Variants in DRAM2 observed in about 807,000 individuals in gnomAD.
The protein encoded by DRAM2 is DNA damage regulated autophagy modulator 2.
Under a neutral mutation model 33.5 loss-of-function variants are expected in DRAM2, and 26 were observed. The ratio of observed to expected loss-of-function variants is 0.78; its 90% CI spans 0.57 to 1.08. The LOEUF (loss-of-function observed/expected upper bound fraction) is 1.08. Among genes scored for constraint, DRAM2 ranks in the 50% least tolerant of loss-of-function variants. DRAM2 has a pLI of 0.00. For missense variants in DRAM2, 311 were observed against 318.1 expected, an observed-to-expected ratio of 0.98 and a Z score of 0.17; for synonymous variants, 98 against 109.5, an observed-to-expected ratio of 0.89 and a Z score of 0.66.
chr1:111,129,548 T>C (rs1422864072), intron 4 of DRAM2, among the ~76,000 whole-genome samples: 1 of 152,232 alleles, frequency 6.6e-6, no homozygotes, highest in Non-Finnish European at 1.5e-5. Context: ...GATTTCCTCA[T>C]ATCCTTTTTG....
rs750197912 is a variant in DRAM2, at chr1:111,131,446, C to G, written c.109G>C (p.Asp37His). 1.2e-6 allele frequency: 2 copies of G among 1,613,946 alleles called. No homozygotes were observed. The highest frequency in any genetic ancestry group is 1.7e-6 in the Non-Finnish European group (2 of 1,179,914). ...YITAVTLHHIDPALPYISDTG... is the reference protein window; with the variant it reads ...YITAVTLHHIHPALPYISDTG... ...TACCTGATATAAGGTAAAGCCGGGT[C>G]TATATGGTGGAGTGTTACTGCAGTA... is the stretch of plus-strand genomic sequence containing the variant. The change falls in exon 4 of 10, where the codon GAC becomes CAC. Residue 37 changes from aspartate (D) to histidine (H), a missense_variant. Physicochemically the swap from Asp to His is moderately conservative, Grantham distance 81 (BLOSUM62 -1). Transcript: ENST00000484310.
At chr1:111,128,103 G>T (rs1651375761) in intron 4 of DRAM2, 2 of 150,166 alleles carry the variant, frequency 1.3e-5, no homozygotes, top group Admixed American at 6.6e-5. Context: ...GTCCACTGGG[G>T]CTGTTAACAG....
intron 9 of DRAM2, 98 bp from the exon 10 acceptor site, chr1:111,118,365 A>T (rs1390038696): frequency 1.3e-6 from 1 of 745,324 alleles, no homozygotes; most frequent in Non-Finnish European, 2.2e-6. Context: ...TATGAATGTA[A>T]ATCAATTCTA....
intron 4 of DRAM2, among the ~76,000 whole-genome samples, chr1:111,130,031 C>T (rs2101074493): frequency 6.7e-6 from 1 of 150,222 alleles, no homozygotes; most frequent in East Asian, 2.0e-4. Context: ...TTTGCTATTG[C>T]AATTTTAAAA....
chr1:111,130,473 A>C (rs1384736728), intron 4 of DRAM2, among the ~76,000 whole-genome samples: 1 of 152,220 alleles, frequency 6.6e-6, no homozygotes, highest in Non-Finnish European at 1.5e-5. Context: ...TGGGAGGCCA[A>C]GGCGGGCAGA....
intron 3 of DRAM2, among the ~76,000 whole-genome samples, chr1:111,132,284 G>C (rs1286086378): frequency 6.6e-6 from 1 of 152,204 alleles, no homozygotes; most frequent in East Asian, 1.9e-4. Context: ...CCCAGAGAGG[G>C]CACAGAAGCT....
chr1:111,130,380 A>G (rs1006507766), intron 4 of DRAM2, among the ~76,000 whole-genome samples: 1 of 152,196 alleles, frequency 6.6e-6, no homozygotes, highest in Admixed American at 6.5e-5. Flanking sequence ...TAAGGATTCA[A>G]CTATTTAGGA....
intron 5 of DRAM2, 85 bp from the exon 6 acceptor site, chr1:111,124,966 C>T (rs1650718146): frequency 8.8e-7 from 1 of 1,142,734 alleles, no homozygotes; most frequent in Non-Finnish European, 1.2e-6. Context: ...AAGGTCACTG[C>T]TATCCAGAAT....
chr1:111,133,423 C>T (rs1159097262), intron 3 of DRAM2, among the ~76,000 whole-genome samples: 1 of 152,232 alleles, frequency 6.6e-6, no homozygotes, highest in Non-Finnish European at 1.5e-5. Context: ...AGTGATCCAC[C>T]TGCCTTGGCC....
intron 2 of DRAM2, among the ~76,000 whole-genome samples, chr1:111,137,907 T>C (rs1278663482): frequency 6.6e-6 from 1 of 152,110 alleles, no homozygotes; most frequent in Non-Finnish European, 1.5e-5. Context: ...AAAAAAATAA[T>C]AGATTATTAA....
chr1:111,136,556 G>A (rs959294621), intron 3 of DRAM2, among the ~76,000 whole-genome samples: 3 of 151,688 alleles, frequency 2.0e-5, no homozygotes, highest in Non-Finnish European at 4.4e-5. Flanking sequence ...CTGCACTCCA[G>A]CCTGGGCAAC....
chr1:111,119,727 C>T (rs1482240479), intron 8 of DRAM2, 150 bp downstream of exon 8: 8 of 653,356 alleles, frequency 1.2e-5, no homozygotes, highest in Non-Finnish European at 2.1e-5. Flanking sequence ...TCTACATAAA[C>T]CCTACCATAT....
chr1:111,120,397 AAAAAAAAAAAAAAAAAAAAAAAG>A, intron 7 of DRAM2, 96 bp downstream of exon 7: 1 of 223,868 alleles, frequency 4.5e-6, no homozygotes, highest in Non-Finnish European at 6.8e-6. Flanking sequence ...AAAAAAAAAA[AAAAAAAAAAAAAAAAAAAAAAAG>A]ACAAAAAGGC....
chr1:111,127,329 T>C (rs986476268), intron 4 of DRAM2, among the ~76,000 whole-genome samples: 14 of 152,050 alleles, frequency 9.2e-5, no homozygotes, highest in African/African-American at 3.1e-4. Context: ...AAAAAAGAAG[T>C]AGAAAGTTAT....
chr1:111,117,183 T>C lies in DRAM2; in HGVS notation c.*977A>G, dbSNP rs1041853426. 1.3e-5 allele frequency: 2 copies of C among 152,166 alleles called. No homozygotes were observed. The highest frequency in any genetic ancestry group is 2.9e-5 in the Non-Finnish European group (2 of 67,972). 9.4% of individuals were successfully genotyped at this position (152,166 alleles called of 1,614,324 possible). A position where few individuals can be genotyped will look rare whatever the true frequency, so the allele number is the denominator to read the frequency against. Reference sequence around the variant, plus strand: ...GCATGTATCACACTTATTTTGCATGTAGTTTAATTGGATTGCCAATTTTGT... The same window carrying C: ...GCATGTATCACACTTATTTTGCATGCAGTTTAATTGGATTGCCAATTTTGT... On this transcript the variant is annotated 3_prime_UTR_variant, in exon 10 of 10. Transcript: ENST00000484310.
rs751686433 is a variant in DRAM2 at position 111,119,938 on chromosome 1, A to C, written c.539T>G (p.Leu180Trp). 19 of 1,612,742 alleles carry C rather than the reference A, an allele frequency of 1.2e-5. No individual in the cohort carries two copies. The highest frequency in any genetic ancestry group is 1.6e-5 in the Non-Finnish European group (19 of 1,179,090). Residue 180 changes from leucine to tryptophan, a missense_variant, in exon 8 of 10, where the codon TTG (leucine) becomes TGG (tryptophan). By Grantham distance (61) the Leu-to-Trp change is moderately conservative (BLOSUM62 -2). Coordinates refer to ENST00000484310, the MANE Select transcript of DRAM2 (RefSeq NM_001349884.2). ...ATCAGTCCCAAAATTGCCACTGTGC[A>C]AAACTGATGAGCAAGTCAGCACTAT... ...ALSMLTCSSV[L>W]HSGNFGTDLE...
Position 111,124,123 on chromosome 1 carries a change from C to T in DRAM2, c.339+619G>A, listed in dbSNP as rs115335888. Among the ~76,000 whole-genome samples, 395 of 152,254 alleles carry T rather than the reference C, an allele frequency of 2.6e-3. 4 individuals are homozygous for T. The highest frequency in any genetic ancestry group is 9.1e-3 in the African/African-American group (378 of 41,550). ...CACCCTGCTCCACAGCTATGAATTC[C>T]CACTTTTACTTGTATTCAGAGTTGA... On this transcript the variant is annotated intron_variant, in intron 6 of 9. Coordinates refer to ENST00000484310, the MANE Select transcript of DRAM2 (RefSeq NM_001349884.2).
chr1:111,123,083 A>ACAAT (rs1650335561), intron 6 of DRAM2, among the ~76,000 whole-genome samples: 1 of 152,274 alleles, frequency 6.6e-6, no homozygotes, highest in South Asian at 2.1e-4. Context: ...CAAGAGACAG[A>ACAAT]CAATCACCAT....
rs1312011364 is a variant in DRAM2, at chr1:111,129,633, A to G, written c.131+1791T>C. 4.8e-4 allele frequency among the ~76,000 whole-genome samples: 73 copies of G among 152,188 alleles called. 2 individuals carry two copies. Among genetic ancestry groups the G allele is most frequent in the Admixed American group, 4.7e-3 (72 of 15,282 alleles). On this transcript the variant is annotated intron_variant, in intron 4 of 9. Transcript: ENST00000484310. ...AAATGAAAAATGTAGATGCCCTATT[A>G]CCTATCTAGCAATCTCACTTCTAGA... is the stretch of plus-strand genomic sequence containing the variant.
Sources: gnomAD v4.1 joint callset for allele counts (sites outside exome capture counted in the v4.1 genomes callset) on GRCh38, gnomAD v4.1.1 for gene constraint, MANE v1.5 for transcripts, NCBI Gene and HGNC (gene_info 2026-07-23, HGNC 2026-07-21) for gene names.